SYN2: variants seen among roughly 807,000 people sequenced by gnomAD.
SYN2 encodes the protein synapsin-2.
Under a neutral mutation model 50.9 loss-of-function variants are expected in SYN2, and 19 were observed. The observed-to-expected ratio is 0.37, with a 90% confidence interval of 0.26 to 0.55. The LOEUF is 0.55. Ranked by LOEUF, SYN2 falls within the 20% of genes least tolerant of loss-of-function variation. The pLI is 0.81. For missense variants in SYN2, 587 were observed against 576.4 expected, an observed-to-expected ratio of 1.02 and a Z score of -0.19; for synonymous variants, 255 against 224.9, an observed-to-expected ratio of 1.13 and a Z score of -1.20.
At chr3:12,092,164 C>T (rs1213282076) in intron 1 of SYN2, among the ~76,000 whole-genome samples, 1 of 152,104 alleles carries the variant, frequency 6.6e-6, no homozygotes, top group Non-Finnish European at 1.5e-5. Flanking sequence ...TACTTGGAAT[C>T]TGAACTTTTT....
intron 5 of SYN2, 85 bp downstream of exon 5, chr3:12,151,411 G>T: frequency 9.3e-7 from 1 of 1,070,368 alleles, no homozygotes; most frequent in Non-Finnish European, 1.4e-6. Flanking sequence ...TCTGAAAAGG[G>T]CCTCAGCATC....
rs1269264301 is a variant in SYN2 at position 12,158,839 on chromosome 3, A to G, written c.775-2707A>G. 4 of 1,580,400 alleles carry G rather than the reference A, an allele frequency of 2.5e-6. No homozygotes were observed. The South Asian group carries it at 3.4e-5, about 14-fold the overall frequency. ...TGGCGCGGGCCGAGGGCTCCCAGGC[A>G]TGACACTGCAGATCCGCGACTGAGC... On this transcript the variant is annotated intron_variant, in intron 5 of 12. Coordinates refer to ENST00000621198, the MANE Select transcript of SYN2 (RefSeq NM_133625.6).
intron 1 of SYN2, among the ~76,000 whole-genome samples, chr3:12,134,566 G>A (rs534550504): frequency 5.3e-5 from 8 of 152,322 alleles, no homozygotes; most frequent in Middle Eastern, 3.4e-3. Context: ...AGCATTCATG[G>A]ACTTCTCCAG....
At chr3:12,128,659 G>A (rs1192252435) in intron 1 of SYN2, among the ~76,000 whole-genome samples, 1 of 152,102 alleles carries the variant, frequency 6.6e-6, no homozygotes, top group African/African-American at 2.4e-5. Flanking sequence ...GGTGGAAGAT[G>A]GTCCCATCAT....
chr3:12,060,160 T>G (rs1238287819), intron 1 of SYN2, among the ~76,000 whole-genome samples: 1 of 152,184 alleles, frequency 6.6e-6, no homozygotes, highest in African/African-American at 2.4e-5. Context: ...GAAGGTTGTT[T>G]ATGGGCTAGC....
At chr3:12,161,670 C>G (rs926737785) in intron 6 of SYN2, 62 bp downstream of exon 6, 1 of 1,576,026 alleles carries the variant, frequency 6.3e-7, no homozygotes, top group African/African-American at 1.3e-5. Flanking sequence ...TTCAGAGCGC[C>G]CATTTGTGAA....
intron 1 of SYN2, among the ~76,000 whole-genome samples, chr3:12,022,870 G>A (rs1000581042): frequency 2.0e-5 from 3 of 152,134 alleles, no homozygotes; most frequent in African/African-American, 7.2e-5. Context: ...AATGCCTATA[G>A]GAGGATGAAT....
chr3:12,109,344 T>G (rs1696267645), intron 1 of SYN2, among the ~76,000 whole-genome samples: 1 of 152,210 alleles, frequency 6.6e-6, no homozygotes, highest in Non-Finnish European at 1.5e-5. Context: ...AATACCCCTA[T>G]CTTCAGGGTT....
chr3:12,023,357 AT>A (rs925187626), intron 1 of SYN2, among the ~76,000 whole-genome samples: 4 of 151,392 alleles, frequency 2.6e-5, no homozygotes, highest in Non-Finnish European at 2.9e-5. Flanking sequence ...ATAAAGTAGT[AT>A]TTTCCCCCCC....
intron 1 of SYN2, among the ~76,000 whole-genome samples, chr3:12,033,504 TC>T (rs1694426759): frequency 1.8e-5 from 1 of 55,954 alleles, no homozygotes; most frequent in Admixed American, 2.7e-4. Flanking sequence ...GCTGGGACTC[TC>T]TTTTTTCCCA....
chr3:12,160,065 AAGT>A (rs1371072931), intron 5 of SYN2, among the ~76,000 whole-genome samples: 3 of 148,540 alleles, frequency 2.0e-5, no homozygotes, highest in Non-Finnish European at 3.0e-5. Context: ...AAAAAAAAAA[AAGT>A]AAAAGAAAAA....
At chr3:12,132,008 T>TC (rs1302044000) in intron 1 of SYN2, among the ~76,000 whole-genome samples, 1 of 151,592 alleles carries the variant, frequency 6.6e-6, no homozygotes, top group Non-Finnish European at 1.5e-5. Flanking sequence ...TTCTTTTTTT[T>TC]CCTTTCTTTT....
intron 1 of SYN2, among the ~76,000 whole-genome samples, chr3:12,050,711 C>T (rs1210622113): frequency 9.9e-5 from 5 of 50,570 alleles, no homozygotes; most frequent in Admixed American, 3.7e-4. Flanking sequence ...CTTCTCTTCT[C>T]TTTTTTTTTT....
rs111842412 is a variant in SYN2, at chr3:12,027,332, C to T, written c.377+22404C>T. On this transcript the variant is annotated intron_variant, in intron 1 of 12. Transcript: ENST00000621198. ...ACCCATCTCCCTGCCTAGAGAGCTTCGGAGCCTGATATAATGAGCCTGTGA... is the reference window on the plus strand; with the variant it reads ...ACCCATCTCCCTGCCTAGAGAGCTTTGGAGCCTGATATAATGAGCCTGTGA... Among the ~76,000 whole-genome samples, 1,430 of 152,232 alleles carry T rather than the reference C, an allele frequency of 9.4e-3. 6 individuals carry two copies. The highest frequency in any genetic ancestry group is 0.023 in the South Asian group (111 of 4,818).
intron 1 of SYN2, among the ~76,000 whole-genome samples, chr3:12,079,044 G>C (rs1695531756): frequency 6.6e-6 from 1 of 152,056 alleles, no homozygotes; most frequent in African/African-American, 2.4e-5. Flanking sequence ...GTATTCCTAG[G>C]TATTTTATTC....
intron 1 of SYN2, among the ~76,000 whole-genome samples, chr3:12,088,508 A>G (rs1218889152): frequency 2.0e-5 from 3 of 152,212 alleles, no homozygotes; most frequent in African/African-American, 7.2e-5. Flanking sequence ...CTCAAAAAAT[A>G]TAATTACTGT....
rs2270751 is a variant in SYN2 at position 12,154,528 on chromosome 3, C to T, written c.774+3202C>T. On this transcript the variant is annotated intron_variant, in intron 5 of 12. Transcript: ENST00000621198. ...CCCAGGGGCCCAGGTCCTTGAAAAGCCCAGAATTGCAGCCTCCCCAATGAC... is the reference window on the plus strand; with the variant it reads ...CCCAGGGGCCCAGGTCCTTGAAAAGTCCAGAATTGCAGCCTCCCCAATGAC... The T allele has an allele frequency of 5.2e-6, 8 of 1,548,154 alleles. No homozygotes were observed. The East Asian group carries it at 1.8e-4, about 35-fold the overall frequency.
chr3:12,127,721 TG>T (rs1696702469), intron 1 of SYN2, among the ~76,000 whole-genome samples: 1 of 152,126 alleles, frequency 6.6e-6, no homozygotes, highest in African/African-American at 2.4e-5. Flanking sequence ...TGCGCCATGG[TG>T]GTGAGTAGGC....
intron 5 of SYN2, chr3:12,157,517 G>A (rs371769294): frequency 6.3e-7 from 1 of 1,595,248 alleles, no homozygotes; most frequent in Non-Finnish European, 8.6e-7. Context: ...ACCTTCAGCA[G>A]CTGGTGGGGG....
Sources: allele counts gnomAD v4.1 joint callset (sites outside exome capture counted in the v4.1 genomes callset), GRCh38; gene constraint gnomAD v4.1.1; transcripts MANE v1.5; gene names NCBI Gene and HGNC (gene_info 2026-07-23, HGNC 2026-07-21).